Variants in CCDC148 observed in about 807,000 individuals in gnomAD.
CCDC148 encodes coiled-coil domain-containing protein 148.
In CCDC148, 89 loss-of-function variants were observed where a neutral mutation model predicts 85.7. The observed-to-expected ratio is 1.04, with a 90% CI of 0.87 to 1.24. CCDC148 has a LOEUF of 1.24. Among genes scored for constraint, CCDC148 ranks in the 50% most tolerant of loss-of-function variants. The pLI, the probability that CCDC148 is intolerant of heterozygous loss-of-function variation, is 0.00. For synonymous variants in CCDC148, 230 were observed against 213.9 expected (o/e 1.08, Z -0.66); for missense variants, 692 against 671.7 (o/e 1.03, Z -0.33).
chr2:158,384,014 T>C (rs1311368305), intron 1 of CCDC148, among the ~76,000 whole-genome samples: 4 of 152,208 alleles, frequency 2.6e-5, no homozygotes, highest in Admixed American at 6.5e-5. Flanking sequence ...AGTTATTTTG[T>C]AGCATGTCCT....
chr2:158,323,919 C>CTTTTT (rs777356867), intron 7 of CCDC148, among the ~76,000 whole-genome samples: 6 of 82,946 alleles, frequency 7.2e-5, no homozygotes, highest in Admixed American at 1.5e-4. Flanking sequence ...CTGGGAATAA[C>CTTTTT]TTTTTTTTTT....
intron 1 of CCDC148, among the ~76,000 whole-genome samples, chr2:158,384,641 A>G (rs1387999292): frequency 6.6e-6 from 1 of 151,790 alleles, no homozygotes; most frequent in Non-Finnish European, 1.5e-5. Flanking sequence ...AGTCAATTAA[A>G]CCTCTCTTCT....
chr2:158,323,792 C>G (rs905787582), intron 7 of CCDC148, among the ~76,000 whole-genome samples: 1 of 151,892 alleles, frequency 6.6e-6, no homozygotes, highest in East Asian at 1.9e-4. Context: ...GTAATAGGTA[C>G]TTATTAAATA....
intron 9 of CCDC148, among the ~76,000 whole-genome samples, chr2:158,304,278 T>C (rs889672634): frequency 1.3e-5 from 2 of 152,008 alleles, no homozygotes; most frequent in Non-Finnish European, 2.9e-5. Context: ...GGAAAGCAAG[T>C]TCTCAGATGA....
rs1378599791 is a variant in CCDC148 at position 158,355,534 on chromosome 2, A to G, written c.147+2915T>C. On this transcript the variant is annotated intron_variant, in intron 2 of 13. Transcript: ENST00000283233. ...ATCCAACTTACAAGGGATGTGAAGG[A>G]CCTCTTCAAGGAGAACTACAAACCA... 5.5e-5 allele frequency among the ~76,000 whole-genome samples: 8 copies of G among 146,158 alleles called. No homozygotes were observed. The East Asian group carries it at 1.7e-3, about 30-fold the overall frequency.
chr2:158,268,438 T>C (rs1331110550), intron 9 of CCDC148, among the ~76,000 whole-genome samples: 1 of 152,160 alleles, frequency 6.6e-6, no homozygotes. Flanking sequence ...ACCAAATTTT[T>C]AAAATTTTCC....
chr2:158,444,023 C>T (rs16842935), intron 1 of CCDC148, among the ~76,000 whole-genome samples: 5,637 of 152,250 alleles, frequency 0.037, 164 homozygotes, highest in African/African-American at 0.077. Flanking sequence ...CAGGCTATCA[C>T]TTTCTCAATA....
intron 1 of CCDC148, among the ~76,000 whole-genome samples, chr2:158,386,414 A>G (rs1444132069): frequency 6.6e-6 from 1 of 152,152 alleles, no homozygotes; most frequent in Admixed American, 6.5e-5. Flanking sequence ...TTTAACACCT[A>G]CTGCAGTAAG....
chr2:158,340,129 GTATTAA>G, intron 5 of CCDC148, 107 bp downstream of exon 5: 1 of 729,856 alleles, frequency 1.4e-6, no homozygotes, highest in Non-Finnish European at 2.1e-6. Context: ...TATTATTTAT[GTATTAA>G]TATTAACTAA....
At chr2:158,300,838 A>G (rs946179500) in intron 9 of CCDC148, among the ~76,000 whole-genome samples, 11 of 152,106 alleles carry the variant, frequency 7.2e-5, no homozygotes, top group African/African-American at 2.4e-4. Flanking sequence ...ATCATTAGGG[A>G]ATGGCATACC....
At chr2:158,251,083 G>T (rs914694703) in intron 9 of CCDC148, among the ~76,000 whole-genome samples, 171 bp from the exon 10 acceptor site, 1 of 151,140 alleles carries the variant, frequency 6.6e-6, no homozygotes, top group Non-Finnish European at 1.5e-5. Context: ...TGTGTGTTAG[G>T]GTTAAAAGGA....
At chr2:158,210,486 C>T (rs1361161012) in intron 11 of CCDC148, among the ~76,000 whole-genome samples, 1 of 152,132 alleles carries the variant, frequency 6.6e-6, no homozygotes, top group African/African-American at 2.4e-5. Context: ...CAGAACTCTT[C>T]ACCCCAAGTC....
At chr2:158,196,831 G>T (rs1685699036) in intron 11 of CCDC148, among the ~76,000 whole-genome samples, 1 of 152,024 alleles carries the variant, frequency 6.6e-6, no homozygotes, top group African/African-American at 2.4e-5. Context: ...GTGTGTTTAT[G>T]TGTTCATATC....
chr2:158,286,337 A>T (rs1690622869), intron 9 of CCDC148, among the ~76,000 whole-genome samples: 1 of 152,212 alleles, frequency 6.6e-6, no homozygotes. Flanking sequence ...AATGAAAAAA[A>T]GACAAAACAA....
chr2:158,358,163 A>T (rs545085217), intron 2 of CCDC148, among the ~76,000 whole-genome samples: 2 of 152,298 alleles, frequency 1.3e-5, no homozygotes, highest in Admixed American at 6.5e-5. Context: ...ATTAAGTTGG[A>T]AGTTGTTGAA....
chr2:158,230,108 T>C (rs750769155), intron 10 of CCDC148, among the ~76,000 whole-genome samples: 1 of 152,160 alleles, frequency 6.6e-6, no homozygotes, highest in African/African-American at 2.4e-5. Flanking sequence ...TATTAAACCA[T>C]TATTGACTTT....
chr2:158,289,615 C>A (rs1690794488), intron 9 of CCDC148, among the ~76,000 whole-genome samples: 1 of 152,128 alleles, frequency 6.6e-6, no homozygotes, highest in South Asian at 2.1e-4. Context: ...ACAACAGGAT[C>A]TTTTATATGT....
intron 7 of CCDC148, among the ~76,000 whole-genome samples, chr2:158,338,396 T>C (rs1406128010): frequency 6.6e-6 from 1 of 152,170 alleles, no homozygotes; most frequent in Non-Finnish European, 1.5e-5. Flanking sequence ...TTGTATCAAT[T>C]ACTGCAGAGC....
At chr2:158,211,415 G>A (rs958904550) in intron 11 of CCDC148, among the ~76,000 whole-genome samples, 2 of 152,198 alleles carry the variant, frequency 1.3e-5, no homozygotes, top group Non-Finnish European at 2.9e-5. Context: ...ATAAAGGGAT[G>A]TAATAATGCT....
Sources: gnomAD v4.1 joint callset for allele counts (sites outside exome capture counted in the v4.1 genomes callset) on GRCh38, gnomAD v4.1.1 for gene constraint, MANE v1.5 for transcripts, NCBI Gene and HGNC (gene_info 2026-07-23, HGNC 2026-07-21) for gene names.